The following SH3YL1 variants were observed in gnomAD, a reference collection of about 807,000 sequenced individuals.
SH3YL1 encodes the protein SH3 domain-containing YSC84-like protein 1.
In SH3YL1, 41 loss-of-function variants were observed where a neutral mutation model predicts 45.8. The ratio of observed to expected loss-of-function variants is 0.89; its 90% CI spans 0.70 to 1.16. SH3YL1 has a LOEUF of 1.16. Ranked by LOEUF, SH3YL1 falls within the 50% of genes most tolerant of loss-of-function variation. The pLI is 0.00. For missense variants in SH3YL1, 389 were observed against 409.6 expected, an observed-to-expected ratio of 0.95 and a Z score of 0.43; for synonymous variants, 152 against 151.4, an observed-to-expected ratio of 1.00 and a Z score of -0.03.
intron 1 of SH3YL1, among the ~76,000 whole-genome samples, chr2:258,854 T>C (rs1425966621): frequency 2.6e-5 from 4 of 152,214 alleles, no homozygotes; most frequent in African/African-American, 4.8e-5. Context: ...TTTGCAAATT[T>C]CACCCTACAC....
upstream of SH3YL1, chr2:264,207 C>A: frequency 1.8e-6 from 1 of 542,080 alleles, no homozygotes; most frequent in Non-Finnish European, 3.0e-6. Flanking sequence ...ACCGCCCCGT[C>A]CTCAAGATCG....
chr2:263,928 G>A (rs1161583939), intron 1 of SH3YL1, 56 bp downstream of exon 1: 3 of 1,412,436 alleles, frequency 2.1e-6, no homozygotes, highest in African/African-American at 1.5e-5. Context: ...TCCCACCACC[G>A]CCCAGCTCTT....
chr2:233,036 A>G, intron 6 of SH3YL1, 65 bp downstream of exon 6: 2 of 1,397,044 alleles, frequency 1.4e-6, no homozygotes, highest in South Asian at 1.7e-5. Context: ...TGCAAATTAT[A>G]TCAACTTTTG....
At position 224,760 on chromosome 2, in the gene SH3YL1, C is replaced by T. The variant is rs1274893676; in HGVS notation, c.838+104G>A. 1.3e-5 allele frequency: 11 copies of T among 845,346 alleles called. No homozygotes were observed. The East Asian group carries it at 2.2e-4, about 17-fold the overall frequency. The allele number at this position is 845,346 out of a possible 1,614,324, so 52.4% of individuals were successfully genotyped here. A position where few individuals can be genotyped will look rare whatever the true frequency, so the allele number is the denominator to read the frequency against. ...TGTGAATATTCTATAAATTAAAGGGCTGAACACTTCCCAGAGATTTTCATA... is the reference window on the plus strand; with the variant it reads ...TGTGAATATTCTATAAATTAAAGGGTTGAACACTTCCCAGAGATTTTCATA... On this transcript the variant is annotated intron_variant, in intron 9 of 9. Coordinates refer to ENST00000356150, the MANE Select transcript of SH3YL1 (RefSeq NM_015677.4).
intron 4 of SH3YL1, chr2:243,648 A>AGG: frequency 2.1e-6 from 3 of 1,431,974 alleles, no homozygotes; most frequent in Non-Finnish European, 2.8e-6. Context: ...ACTTTAAGCA[A>AGG]CAGCCTTGCT....
chr2:222,741 A>C (rs1380205155), intron 9 of SH3YL1: 1 of 152,240 alleles, frequency 6.6e-6, no homozygotes, highest in Non-Finnish European at 1.5e-5. Flanking sequence ...TGGTGGGAGG[A>C]AAGTACAGGT....
chr2:263,828 G>C, intron 1 of SH3YL1, 156 bp downstream of exon 1: 1 of 593,292 alleles, frequency 1.7e-6, no homozygotes, highest in South Asian at 2.0e-5. Context: ...AGTCCTGGAA[G>C]CTGCTCTATC....
intron 1 of SH3YL1, among the ~76,000 whole-genome samples, chr2:261,635 T>C (rs186372697): frequency 7.4e-4 from 113 of 152,328 alleles, no homozygotes; most frequent in Non-Finnish European, 1.8e-4. Flanking sequence ...CGCAGTTCTA[T>C]AAACTCAATG....
rs769622003 is a variant in SH3YL1, at chr2:218,986, G to A, written c.854C>T (p.Pro285Leu). 1 of 1,606,314 alleles carries A rather than the reference G, an allele frequency of 6.2e-7. No homozygotes were observed. The highest frequency in any genetic ancestry group is 1.1e-5 in the South Asian group (1 of 89,012). The change falls in exon 10 of 10, where the codon CCC (proline) becomes CTC (leucine). Residue 285 changes from proline (P) to leucine (L), a missense_variant. Pro to Leu is a moderately conservative substitution (Grantham distance 98). Coordinates refer to ENST00000356150, the MANE Select transcript of SH3YL1 (RefSeq NM_015677.4). Reference sequence around the variant, plus strand: ...TGAATACAGCGCTGTCACTTCTATGGGTTGATTCAAATTGCCTGAAACAAG... The same window carrying A: ...TGAATACAGCGCTGTCACTTCTATGAGTTGATTCAAATTGCCTGAAACAAG... ...YHERVGNLNQ[P>L]IEVTALYSFE...
At chr2:242,649 A>G in intron 4 of SH3YL1, 1 of 1,085,836 alleles carries the variant, frequency 9.2e-7, no homozygotes. Flanking sequence ...TATAAATCCA[A>G]TGATATCAAT....
At chr2:252,967 A>C in intron 2 of SH3YL1, 38 bp downstream of exon 2, 1 of 1,264,270 alleles carries the variant, frequency 7.9e-7, no homozygotes, top group Admixed American at 2.1e-5. Context: ...TAGGAAAAAG[A>C]CATTTAGAGA....
chr2:247,048 G>A (rs1015212933), intron 4 of SH3YL1, among the ~76,000 whole-genome samples: 3 of 152,166 alleles, frequency 2.0e-5, no homozygotes, highest in Non-Finnish European at 4.4e-5. Context: ...ATGTCTGCCC[G>A]ACAGACGCCA....
chr2:223,317 C>G (rs1043570887), intron 9 of SH3YL1, among the ~76,000 whole-genome samples: 3 of 152,142 alleles, frequency 2.0e-5, no homozygotes, highest in African/African-American at 7.2e-5. Context: ...AACTCTAGTT[C>G]CCAATGTCAC....
At chr2:264,821 G>A (rs1242865410), upstream of SH3YL1, 21 of 943,564 alleles carry the variant, frequency 2.2e-5, no homozygotes, top group East Asian at 5.8e-4. Context: ...GGAGCCGATT[G>A]CGCAGGCGTG....
In SH3YL1 at chr2:231,144, G is replaced by A. The variant is rs200222754; in HGVS notation, c.581C>T (p.Thr194Ile). 20 of 1,613,674 alleles carry A rather than the reference G, an allele frequency of 1.2e-5. No homozygotes were observed. The Admixed American group carries it at 2.3e-4, about 19-fold the overall frequency. ...ATCTTCGGCTTGAGCAGGCCGCGGT[G>A]TATCTCCAAATAAAATGTCATAAGC... ...IRAYDILFGD[T>I]PRPAQAEDLY... Residue 194 changes from threonine to isoleucine, a missense_variant, in exon 7 of 10, where the codon ACA becomes ATA. By Grantham distance (89) the Thr-to-Ile change is moderately conservative (BLOSUM62 -1). Transcript: ENST00000356150.
intron 2 of SH3YL1, 81 bp from the exon 3 acceptor site, chr2:249,925 G>C (rs1669007047): frequency 5.1e-6 from 5 of 978,842 alleles, no homozygotes; most frequent in African/African-American, 1.6e-5. Context: ...AACAGAGTCA[G>C]TGTACACAGA....
rs1234576514 is a variant in SH3YL1, at chr2:238,481, T to C, written c.292-4209A>G. Among the ~76,000 whole-genome samples, 5 of 152,116 alleles carry C rather than the reference T, an allele frequency of 3.3e-5. No homozygotes were observed. The South Asian group carries it at 6.2e-4, about 19-fold the overall frequency. On this transcript the variant is annotated intron_variant, in intron 4 of 9. Coordinates refer to ENST00000356150, the MANE Select transcript of SH3YL1 (RefSeq NM_015677.4). Reference sequence around the variant, plus strand: ...CTCAACTTAAACCCAAATACCTTCCTCTTCAGTAAAGTGAAAGGGCCCATG... The same window carrying C: ...CTCAACTTAAACCCAAATACCTTCCCCTTCAGTAAAGTGAAAGGGCCCATG...
intron 8 of SH3YL1, among the ~76,000 whole-genome samples, chr2:228,276 G>C (rs745551157): frequency 1.3e-5 from 2 of 152,180 alleles, no homozygotes. Context: ...GAAAGGGTTC[G>C]GGGAACACAC....
intron 1 of SH3YL1, chr2:262,383 T>C (rs1046686618): frequency 3.5e-6 from 1 of 285,280 alleles, no homozygotes; most frequent in Non-Finnish European, 6.9e-6. Context: ...AGGCTGTGGC[T>C]GGGGAAGGAA....
Sources: allele counts gnomAD v4.1 joint callset (sites outside exome capture counted in the v4.1 genomes callset), GRCh38; gene constraint gnomAD v4.1.1; transcripts MANE v1.5; gene names NCBI Gene and HGNC (gene_info 2026-07-23, HGNC 2026-07-21).